The following CPD variants were observed in gnomAD, a reference collection of about 807,000 sequenced individuals.
CPD encodes the protein metallocarboxypeptidase D.
CPD carries 69 observed loss-of-function variants against 138.3 expected under a neutral mutation model. The observed-to-expected ratio is 0.50, with a 90% confidence interval of 0.41 to 0.61. The LOEUF is 0.61. Among genes scored for constraint, CPD ranks in the 20% least tolerant of loss-of-function variants. The probability of loss-of-function intolerance (pLI) is 0.00; values close to 1 mark genes in which losing one functional copy is unlikely to be tolerated. For missense variants in CPD, 1,432 were observed against 1,733.3 expected (o/e 0.83, Z 3.09); for synonymous variants, 651 against 642.1 (o/e 1.01, Z -0.21).
intron 2 of CPD, among the ~76,000 whole-genome samples, chr17:30,411,299 T>G (rs1367606614): frequency 6.6e-6 from 1 of 152,244 alleles, no homozygotes; most frequent in African/African-American, 2.4e-5. Context: ...CATTTTTTCC[T>G]TCATTTCAAC....
chr17:30,380,531 C>T lies in CPD; in HGVS notation c.746+805C>T, dbSNP rs757168626. 3.2e-4 allele frequency: 457 copies of T among 1,434,526 alleles called. 1 individual carries two copies. Among genetic ancestry groups the T allele is most frequent in the Non-Finnish European group, 3.8e-4 (422 of 1,100,920 alleles). The allele number at this position is 1,434,526 out of a possible 1,614,324, so 88.9% of individuals were successfully genotyped here. ...ATGGCTAATGGTCACACTTCTAATA[C>T]ACACTTTAAGTGTTATTAAGCATTG... is the stretch of plus-strand genomic sequence containing the variant. On this transcript the variant is annotated intron_variant, in intron 1 of 20. Coordinates refer to ENST00000225719, the MANE Select transcript of CPD (RefSeq NM_001304.5).
chr17:30,426,995 A>C (rs1328988707), intron 6 of CPD, among the ~76,000 whole-genome samples: 1 of 152,122 alleles, frequency 6.6e-6, no homozygotes, highest in African/African-American at 2.4e-5. Flanking sequence ...AGCCTGGCCA[A>C]CATGGTGAAA....
At chr17:30,399,835 C>T (rs1233674354) in intron 2 of CPD, among the ~76,000 whole-genome samples, 2 of 151,842 alleles carry the variant, frequency 1.3e-5, no homozygotes, top group Non-Finnish European at 2.9e-5. Flanking sequence ...AATAAAAATA[C>T]AAAAATTAGC....
Position 30,422,935 on chromosome 17 carries a change from T to C in CPD, c.1569T>C (p.Ile523=). 1 of 1,614,092 alleles carries C rather than the reference T, an allele frequency of 6.2e-7. No homozygotes were observed. The highest frequency in any genetic ancestry group is 1.1e-5 in the South Asian group (1 of 91,072). Residue 523 remains isoleucine (I), a synonymous_variant, in exon 5 of 21, where the codon ATT becomes ATC. Transcript: ENST00000225719. The stretch of plus-strand genomic sequence containing the variant: ...GGTTTGCCAATGAATATCCTAACAT[T>C]ACCCGGCTTTATTCCTTGGGAAAAT... ...LRRFANEYPN[I]TRLYSLGKSV... is the part of the protein sequence containing the mutation.
At chr17:30,418,962 G>A (rs112283143) in intron 2 of CPD, among the ~76,000 whole-genome samples, 2 of 152,056 alleles carry the variant, frequency 1.3e-5, no homozygotes, top group Non-Finnish European at 2.9e-5. Flanking sequence ...TTTTTGGTGC[G>A]TACACTTAAC....
rs1468259021 is a variant in CPD at position 30,426,983 on chromosome 17, C to T, written c.1850-408C>T. Among the ~76,000 whole-genome samples, 3 of 152,000 alleles carry T rather than the reference C, an allele frequency of 2.0e-5. No homozygotes were observed. The East Asian group carries it at 5.8e-4, about 29-fold the overall frequency. ...GTCACCTGATGTCAGGAGTTCAAGACCAGCCTGGCCAACATGGTGAAACCC... is the reference window on the plus strand; with the variant it reads ...GTCACCTGATGTCAGGAGTTCAAGATCAGCCTGGCCAACATGGTGAAACCC... On this transcript the variant is annotated intron_variant, in intron 6 of 20. Transcript: ENST00000225719.
intron 17 of CPD, among the ~76,000 whole-genome samples, chr17:30,460,427 G>A (rs763359377): frequency 1.9e-4 from 29 of 152,264 alleles, no homozygotes; most frequent in East Asian, 7.7e-4. Context: ...CTGGTACAGG[G>A]AGACCGGTTT....
In CPD at chr17:30,422,738, T is replaced by C. The variant is rs1163284057; in HGVS notation, c.1372T>C (p.Ser458Pro). The C allele has an allele frequency of 1.2e-6, 2 of 1,614,090 alleles. No individual in the cohort carries two copies. Among genetic ancestry groups the C allele is most frequent in the South Asian group, 1.1e-5 (1 of 91,080 alleles). Residue 458 changes from serine to proline, a missense_variant, in exon 5 of 21, where the codon TCT (serine) becomes CCT (proline). Ser to Pro is a moderately conservative substitution (Grantham distance 74). This residue lies in a region of CPD where 160 missense variants were observed against 197.9 expected (regional missense o/e 0.81). Coordinates refer to ENST00000225719, the MANE Select transcript of CPD (RefSeq NM_001304.5). ...AGGACCAGCCACAGAGGTGGATTTT[T>C]CTCTTAGGCCAACTGTAACTTCAGT... ...KEGPATEVDF[S>P]LRPTVTSVIP...
chr17:30,456,200 G>A, intron 15 of CPD, 56 bp from the exon 16 acceptor site: 1 of 1,401,428 alleles, frequency 7.1e-7, no homozygotes, highest in Non-Finnish European at 1.0e-6. Context: ...AGGTTAACTT[G>A]GGGGAAAAAA....
chr17:30,427,613 CTGG>C, intron 7 of CPD, 55 bp downstream of exon 7: 3 of 1,509,472 alleles, frequency 2.0e-6, no homozygotes, highest in Non-Finnish European at 2.7e-6. Flanking sequence ...TTTGGAAATC[CTGG>C]TGGAATTTTA....
At chr17:30,462,121 T>A in intron 19 of CPD, 59 bp downstream of exon 19, 3 of 1,419,310 alleles carry the variant, frequency 2.1e-6, no homozygotes, top group Non-Finnish European at 2.9e-6. Flanking sequence ...ATACTTCTGT[T>A]TTATTTTGAA....
chr17:30,444,188 A>G, intron 11 of CPD: 1 of 415,596 alleles, frequency 2.4e-6, no homozygotes, highest in South Asian at 5.3e-5. Flanking sequence ...TATTCTAGTT[A>G]TTGCTTAGTT....
chr17:30,384,388 A>G (rs188919419), intron 1 of CPD, among the ~76,000 whole-genome samples: 21 of 152,308 alleles, frequency 1.4e-4, no homozygotes, highest in African/African-American at 4.8e-4. Context: ...AAAGTTATTA[A>G]CCTAACATAT....
Position 30,456,460 on chromosome 17 carries a change from A to G in CPD, c.3434-2A>G. 1 of 1,614,162 alleles carries G rather than the reference A, an allele frequency of 6.2e-7. No homozygotes were observed. On this transcript the variant is annotated splice_acceptor_variant, in intron 16 of 20. Transcript: ENST00000225719. LOFTEE classifies it high-confidence loss of function. The stretch of plus-strand genomic sequence containing the variant: ...ATTCCACATCTCTTAATGCTTTTAT[A>G]GATGAGAATATTCCAGGAGGAGTAA...
rs771382329 is a variant in CPD at position 30,422,661 on chromosome 17, AT to A, written c.1308-4del. On this transcript the variant is annotated splice_polypyrimidine_tract_variant and intron_variant, in intron 4 of 20. Transcript: ENST00000225719. ...AACTATAAACCATTTACTTTTTCAA[AT>A]TTTTTTTTCAGGTATATGCCATTGA... 44 of 1,531,718 alleles carry A rather than the reference AT, an allele frequency of 2.9e-5. No homozygotes were observed. Among genetic ancestry groups the A allele is most frequent in the South Asian group, 8.5e-5 (7 of 82,326 alleles). The allele number at this position is 1,531,718 out of a possible 1,614,324, so 94.9% of individuals were successfully genotyped here.
intron 9 of CPD, among the ~76,000 whole-genome samples, 153 bp downstream of exon 9, chr17:30,439,230 C>G (rs1055856272): frequency 6.6e-6 from 1 of 151,964 alleles, no homozygotes; most frequent in African/African-American, 2.4e-5. Flanking sequence ...ATCTTTTCAA[C>G]TACTTTTATG....
In CPD at chr17:30,438,959, C is replaced by G. The variant is rs2143457460; in HGVS notation, c.2128-16C>G. The G allele has an allele frequency of 1.4e-6, 2 of 1,419,666 alleles. 1 individual carries two copies. Among genetic ancestry groups the G allele is most frequent in the South Asian group, 2.6e-5 (2 of 78,262 alleles). The allele number at this position is 1,419,666 out of a possible 1,614,324, so 87.9% of individuals were successfully genotyped here. A position where few individuals can be genotyped will look rare whatever the true frequency, so the allele number is the denominator to read the frequency against. ...ATACAAACAAATAGAAGTAAAGATT[C>G]TTTTTGTTTTTCCAGGAAAATTCCC... On this transcript the variant is annotated splice_polypyrimidine_tract_variant and intron_variant, in intron 8 of 20. Transcript: ENST00000225719.
chr17:30,427,259 C>A, intron 6 of CPD, 132 bp from the exon 7 acceptor site: 2 of 677,542 alleles, frequency 3.0e-6, no homozygotes, highest in Non-Finnish European at 4.9e-6. Flanking sequence ...GTTTCATAAT[C>A]ATAGGTGATT....
chr17:30,460,075 G>A (rs558840965), intron 17 of CPD, among the ~76,000 whole-genome samples: 10 of 152,272 alleles, frequency 6.6e-5, no homozygotes, highest in South Asian at 2.1e-4. Context: ...CTCTCAGCAG[G>A]CCGTGAGAAA....
Sources: gnomAD v4.1 joint callset for allele counts (sites outside exome capture counted in the v4.1 genomes callset) on GRCh38, gnomAD v4.1.1 for gene constraint, gnomAD v4.1.1 regional missense constraint, MANE v1.5 for transcripts, NCBI Gene and HGNC (gene_info 2026-07-23, HGNC 2026-07-21) for gene names.